TAFA1: variants seen among roughly 807,000 people sequenced by gnomAD.
TAFA1 encodes TAFA chemokine like family member 1, also known as chemokine-like protein TAFA-1.
A neutral mutation model predicts 18.5 loss-of-function variants in TAFA1; 4 were observed. That is an observed-to-expected ratio of 0.22 (90% CI 0.11 to 0.49). TAFA1 has a LOEUF of 0.49. Ranked by LOEUF, TAFA1 falls within the 20% of genes least tolerant of loss-of-function variation. The pLI, the probability that TAFA1 is intolerant of heterozygous loss-of-function variation, is 0.98. For missense variants in TAFA1, 147 were observed against 169.0 expected (o/e 0.87, Z 0.72); for synonymous variants, 56 against 55.2 (o/e 1.01, Z -0.06).
intron 2 of TAFA1, among the ~76,000 whole-genome samples, chr3:68,055,045 G>C (rs1176940420): frequency 6.6e-6 from 1 of 152,032 alleles, no homozygotes; most frequent in Non-Finnish European, 1.5e-5. Flanking sequence ...AGTTGTTTTG[G>C]TGGAGGCATC....
intron 2 of TAFA1, among the ~76,000 whole-genome samples, chr3:68,302,843 G>A (rs778080543): frequency 6.6e-6 from 1 of 152,012 alleles, no homozygotes; most frequent in African/African-American, 2.4e-5. Flanking sequence ...GATAAAATGG[G>A]GCTAATTATA....
At chr3:68,157,773 G>A (rs182345127) in intron 2 of TAFA1, among the ~76,000 whole-genome samples, 17 of 151,320 alleles carry the variant, frequency 1.1e-4, no homozygotes, top group Admixed American at 9.2e-4. Context: ...TTTCATTTCA[G>A]AACTGTTGTT....
At chr3:68,093,279 T>C (rs937321608) in intron 2 of TAFA1, among the ~76,000 whole-genome samples, 4 of 152,074 alleles carry the variant, frequency 2.6e-5, no homozygotes, top group Admixed American at 2.6e-4. Context: ...GATGAATGTG[T>C]TCTTCCCACC....
intron 3 of TAFA1, 46 bp downstream of exon 3, chr3:68,417,466 T>A: frequency 6.4e-7 from 1 of 1,565,338 alleles, no homozygotes; most frequent in South Asian, 1.2e-5. Flanking sequence ...TGGCATTCAC[T>A]ATACATAATA....
intron 2 of TAFA1, among the ~76,000 whole-genome samples, chr3:68,296,377 TTC>T (rs1318657716): frequency 6.6e-6 from 1 of 152,180 alleles, no homozygotes; most frequent in African/African-American, 2.4e-5. Context: ...TTAAATGAAT[TTC>T]TGTCACATAT....
intron 2 of TAFA1, among the ~76,000 whole-genome samples, chr3:68,373,975 A>G (rs984738206): frequency 6.6e-6 from 1 of 152,184 alleles, no homozygotes; most frequent in African/African-American, 2.4e-5. Context: ...CTTGGGCAAG[A>G]ATACAACACA....
chr3:68,511,180 A>C (rs1313137040), intron 3 of TAFA1, among the ~76,000 whole-genome samples: 2 of 152,186 alleles, frequency 1.3e-5, no homozygotes, highest in African/African-American at 4.8e-5. Flanking sequence ...TCAAGATTAC[A>C]CCCATTGCTG....
the TAFA1 span, among the ~76,000 whole-genome samples, chr3:67,995,772 T>C: frequency 6.1e-4 from 93 of 152,258 alleles, no homozygotes; most frequent in Non-Finnish European, 1.2e-3. Context: ...ATTTAGGCAC[T>C]CTCAGACTCA....
intron 2 of TAFA1, chr3:68,246,695 C>G (rs897594287): frequency 1.3e-5 from 2 of 148,358 alleles, no homozygotes; most frequent in Admixed American, 6.9e-5. Context: ...TGAAAGAACT[C>G]TCCAAATGAC....
intron 2 of TAFA1, among the ~76,000 whole-genome samples, chr3:68,290,625 T>G (rs757131465): frequency 6.6e-6 from 1 of 152,122 alleles, no homozygotes; most frequent in Non-Finnish European, 1.5e-5. Flanking sequence ...CTTTGACAGC[T>G]TCCTAATTAC....
intron 2 of TAFA1, among the ~76,000 whole-genome samples, chr3:68,173,367 C>G (rs867850131): frequency 4.0e-5 from 6 of 148,694 alleles, no homozygotes; most frequent in Middle Eastern, 3.4e-3. Context: ...AATTACAACT[C>G]TAACTTGTCA....
At chr3:68,186,514 T>C (rs1165705493) in intron 2 of TAFA1, among the ~76,000 whole-genome samples, 1 of 152,128 alleles carries the variant, frequency 6.6e-6, no homozygotes, top group Non-Finnish European at 1.5e-5. Flanking sequence ...ACTTTTGTTT[T>C]TTTCCCTTTT....
At chr3:67,999,511 G>C (rs1190230119), upstream of TAFA1, among the ~76,000 whole-genome samples, 1 of 152,036 alleles carries the variant, frequency 6.6e-6, no homozygotes, top group Non-Finnish European at 1.5e-5. Context: ...CCAATATACT[G>C]AAATTTTAAG....
intron 2 of TAFA1, among the ~76,000 whole-genome samples, chr3:68,383,809 G>T (rs1007667059): frequency 6.6e-6 from 1 of 151,938 alleles, no homozygotes; most frequent in Non-Finnish European, 1.5e-5. Flanking sequence ...TTCTGGTCCT[G>T]GGCTGTTTTT....
chr3:68,489,687 G>A (rs1339162275), intron 3 of TAFA1, among the ~76,000 whole-genome samples: 1 of 152,128 alleles, frequency 6.6e-6, no homozygotes, highest in African/African-American at 2.4e-5. Flanking sequence ...TGTTTCCTTA[G>A]CACAAAATCA....
At chr3:68,323,455 G>A (rs879652069) in intron 2 of TAFA1, among the ~76,000 whole-genome samples, 3 of 152,190 alleles carry the variant, frequency 2.0e-5, no homozygotes, top group Admixed American at 6.5e-5. Flanking sequence ...TGAGTTTTTC[G>A]AGGAAAGGAA....
At chr3:68,008,568 G>C (rs1291025560) in intron 2 of TAFA1, among the ~76,000 whole-genome samples, 1 of 152,052 alleles carries the variant, frequency 6.6e-6, no homozygotes, top group Admixed American at 6.6e-5. Context: ...GGCCACACAG[G>C]GAATAGCTGC....
At chr3:68,347,534 C>A (rs1180433755) in intron 2 of TAFA1, among the ~76,000 whole-genome samples, 1 of 152,204 alleles carries the variant, frequency 6.6e-6, no homozygotes, top group African/African-American at 2.4e-5. Context: ...TTAGGTTCCA[C>A]AGGTCATATG....
chr3:68,221,929 A>C (rs2066736171), intron 2 of TAFA1, among the ~76,000 whole-genome samples: 1 of 152,194 alleles, frequency 6.6e-6, no homozygotes, highest in Non-Finnish European at 1.5e-5. Flanking sequence ...TATTTGTTGA[A>C]CACTGAAATA....
Sources: allele counts gnomAD v4.1 joint callset (sites outside exome capture counted in the v4.1 genomes callset), GRCh38; gene constraint gnomAD v4.1.1; transcripts MANE v1.5; gene names NCBI Gene and HGNC (gene_info 2026-07-23, HGNC 2026-07-21).